The following JADE2 variants were observed in gnomAD, a reference collection of about 807,000 sequenced individuals.
The protein encoded by JADE2 is jade family PHD finger 2.
In JADE2, 13 loss-of-function variants were observed where a neutral mutation model predicts 85.7. That is an observed-to-expected ratio of 0.15 (90% CI 0.10 to 0.24). The LOEUF is 0.24. Among genes scored for constraint, JADE2 ranks in the 10% least tolerant of loss-of-function variants. The pLI is 1.00. For synonymous variants in JADE2, 440 were observed against 456.1 expected (o/e 0.96, Z 0.45); for missense variants, 846 against 1,115.9 (o/e 0.76, Z 3.45).
chr5:134,573,870 G>T (rs751348305), intron 10 of JADE2, 108 bp downstream of exon 10: 7 of 805,740 alleles, frequency 8.7e-6, no homozygotes, highest in Non-Finnish European at 1.6e-5. Context: ...TGTGCGTGGA[G>T]CCAAGGGCCA....
chr5:134,541,371 G>T (rs370386777), intron 3 of JADE2, among the ~76,000 whole-genome samples: 1 of 152,236 alleles, frequency 6.6e-6, no homozygotes, highest in Non-Finnish European at 1.5e-5. Flanking sequence ...AGATGAAAGC[G>T]AGGATTTGGC....
chr5:134,549,509 T>G (rs1026246798), intron 3 of JADE2, among the ~76,000 whole-genome samples: 1 of 151,992 alleles, frequency 6.6e-6, no homozygotes, highest in African/African-American at 2.4e-5. Context: ...ATACAAAAAT[T>G]AGCCAGGCAA....
chr5:134,573,729 C>T lies in JADE2; in HGVS notation c.1519C>T (p.Gln507Ter). The change falls in exon 10 of 12, where the codon CAG becomes TAG. Residue 507 changes from glutamine to a stop codon, truncating the protein, a stop_gained. Coordinates refer to ENST00000681547, the MANE Select transcript of JADE2 (RefSeq NM_001388185.1). LOFTEE classifies it high-confidence loss of function. ...ACTCCAGGAGCAGATATTCCACCTG[C>T]AGATGAAACTTATTGAACAGGATCT... ...CKLQEQIFHL[Q>*]MKLIEQDLCR... is the part of the protein sequence containing the mutation. 6.2e-7 allele frequency: 1 copy of T among 1,612,930 alleles called. No individual in the cohort carries two copies. Among genetic ancestry groups the T allele is most frequent in the Non-Finnish European group, 8.5e-7 (1 of 1,178,844 alleles).
intron 3 of JADE2, among the ~76,000 whole-genome samples, chr5:134,539,521 A>G (rs1456240309): frequency 6.6e-6 from 1 of 152,216 alleles, no homozygotes; most frequent in African/African-American, 2.4e-5. Flanking sequence ...TAAGTAGGAC[A>G]CTGTACTACA....
At chr5:134,543,534 G>C in intron 3 of JADE2, among the ~76,000 whole-genome samples, 1 of 151,880 alleles carries the variant, frequency 6.6e-6, no homozygotes, top group East Asian at 1.9e-4. Context: ...AAAATTAGCT[G>C]GTCATGGTGA....
chr5:134,562,590 T>C lies in JADE2; in HGVS notation c.852+223T>C, dbSNP rs1410725765. On this transcript the variant is annotated intron_variant, in intron 7 of 11. Coordinates refer to ENST00000681547, the MANE Select transcript of JADE2 (RefSeq NM_001388185.1). The surrounding 1 kb of genome is among the most constrained non-coding windows in gnomAD (Gnocchi z 4.6). ...GCATTCAAGACCAGCCTGGCCAACATAGCAAAACCCCCTCTCTACAAAAAT... is the reference window on the plus strand; with the variant it reads ...GCATTCAAGACCAGCCTGGCCAACACAGCAAAACCCCCTCTCTACAAAAAT... Among the ~76,000 whole-genome samples, 6 of 151,984 alleles carry C rather than the reference T, an allele frequency of 3.9e-5. No individual in the cohort carries two copies. The highest frequency in any genetic ancestry group is 8.8e-5 in the Non-Finnish European group (6 of 67,990).
chr5:134,566,526 C>T lies in JADE2; in HGVS notation c.1380C>T (p.Asp460=), dbSNP rs566542023. ...ACAACCTGGCCCAGCAGGAGCAGGA[C>T]GTCCTCTACCGCCGCCTGAAGCTCT... ...EVDNLAQQEQ[D]VLYRRLKLFT... The change falls in exon 9 of 12, where the codon GAC becomes GAT. Residue 460 remains aspartate, a synonymous_variant. Transcript: ENST00000681547. This position sits in a 1 kb window ranked among gnomAD's most constrained non-coding sequence, Gnocchi z 6.7. 1.3e-5 allele frequency: 21 copies of T among 1,595,796 alleles called. No individual in the cohort carries two copies. In the South Asian group the frequency reaches 1.7e-4, roughly 13 times the overall value.
At chr5:134,524,255 G>A (rs918317000), upstream of JADE2, 1 of 152,370 alleles carries the variant, frequency 6.6e-6, no homozygotes, top group African/African-American at 2.4e-5. Flanking sequence ...CCTTCCTCGA[G>A]AGAAGGTGAG....
chr5:134,563,217 C>T (rs1413276480), intron 7 of JADE2, among the ~76,000 whole-genome samples: 1 of 151,728 alleles, frequency 6.6e-6, no homozygotes, highest in Non-Finnish European at 1.5e-5. Flanking sequence ...ATTTGGGTGG[C>T]TGAGGCACGA....
At chr5:134,564,016 AG>A (rs1763485851) in intron 7 of JADE2, among the ~76,000 whole-genome samples, 1 of 152,208 alleles carries the variant, frequency 6.6e-6, no homozygotes, top group African/African-American at 2.4e-5. Context: ...CTTCAAGAGG[AG>A]ATCCCACAAT....
intron 3 of JADE2, among the ~76,000 whole-genome samples, chr5:134,541,217 T>G (rs907930077): frequency 1.3e-5 from 2 of 152,208 alleles, no homozygotes; most frequent in East Asian, 3.9e-4. Context: ...CCTCCCACAG[T>G]AGGCTGGAGA....
intron 1 of JADE2, among the ~76,000 whole-genome samples, chr5:134,532,770 C>A (rs971263874): frequency 1.3e-5 from 2 of 152,056 alleles, no homozygotes; most frequent in African/African-American, 4.8e-5. Context: ...GCTGAGGTTG[C>A]GAGGAGGGTG....
rs1415038718 is a variant in JADE2 at position 134,576,808 on chromosome 5, G to A, written c.1593G>A (p.Ser531=). 14 of 1,550,502 alleles carry A rather than the reference G, an allele frequency of 9.0e-6. No homozygotes were observed. The highest frequency in any genetic ancestry group is 2.4e-5 in the South Asian group (2 of 84,072). The change falls in exon 11 of 12, where the codon TCG becomes TCA. Residue 531 remains serine (S), a synonymous_variant. Coordinates refer to ENST00000681547, the MANE Select transcript of JADE2 (RefSeq NM_001388185.1). The part of the protein sequence containing the change: ...GRRAKGKKSD[S]KRKGCEGSKG... Reference sequence around the variant, plus strand: ...GAGCAAAGGGCAAGAAGAGTGACTCGAAGAGGAAGGGCTGCGAGGGCTCCA... The same window carrying A: ...GAGCAAAGGGCAAGAAGAGTGACTCAAAGAGGAAGGGCTGCGAGGGCTCCA...
chr5:134,550,180 G>A (rs151312891), intron 3 of JADE2, among the ~76,000 whole-genome samples: 2 of 152,260 alleles, frequency 1.3e-5, no homozygotes, highest in African/African-American at 4.8e-5. Flanking sequence ...TTTTCACACT[G>A]GCACCCTAAT....
chr5:134,556,488 C>T (rs568320179), intron 4 of JADE2, among the ~76,000 whole-genome samples: 1 of 145,070 alleles, frequency 6.9e-6, no homozygotes, highest in South Asian at 2.2e-4. Context: ...ACACCCCACA[C>T]ATACCACATG....
chr5:134,550,677 C>T (rs555645619), intron 3 of JADE2, among the ~76,000 whole-genome samples: 188 of 152,282 alleles, frequency 1.2e-3, no homozygotes, highest in Middle Eastern at 6.8e-3. Context: ...TCCACAATAG[C>T]GCTTTGTGGG....
intron 3 of JADE2, among the ~76,000 whole-genome samples, chr5:134,548,632 A>G (rs1762434107): frequency 6.6e-6 from 1 of 152,130 alleles, no homozygotes; most frequent in Non-Finnish European, 1.5e-5. Context: ...TCTTGGAACG[A>G]GACTCTTTTG....
At chr5:134,573,860 TG>T in intron 10 of JADE2, 98 bp downstream of exon 10, 3 of 838,084 alleles carry the variant, frequency 3.6e-6, no homozygotes, top group Middle Eastern at 4.4e-4. Context: ...GGTGGGGGTA[TG>T]TGCGTGGAGC....
intron 2 of JADE2, 40 bp from the exon 3 acceptor site, chr5:134,537,949 G>C: frequency 6.7e-7 from 1 of 1,481,704 alleles, no homozygotes; most frequent in South Asian, 1.1e-5. Context: ...TGGTGCTCCT[G>C]GCCCTCCAGG....
Sources: gnomAD v4.1 joint callset for allele counts (sites outside exome capture counted in the v4.1 genomes callset) on GRCh38, gnomAD v4.1.1 for gene constraint, Gnocchi (gnomAD v3.1) non-coding constraint, MANE v1.5 for transcripts, NCBI Gene and HGNC (gene_info 2026-07-23, HGNC 2026-07-21) for gene names.